SLC25A48: variants seen among roughly 807,000 people sequenced by gnomAD.
The protein encoded by SLC25A48 is solute carrier family 25 member 48.
A neutral mutation model predicts 32.2 loss-of-function variants in SLC25A48; 29 were observed. The ratio of observed to expected loss-of-function variants is 0.90; its 90% confidence interval spans 0.67 to 1.23. SLC25A48 has a LOEUF of 1.23. Ranked by LOEUF, SLC25A48 falls within the 50% of genes most tolerant of loss-of-function variation. The pLI, the probability that SLC25A48 is intolerant of heterozygous loss-of-function variation, is 0.00. For synonymous variants in SLC25A48, 164 were observed against 172.3 expected, an observed-to-expected ratio of 0.95 and a Z score of 0.38; for missense variants, 399 against 422.7, an observed-to-expected ratio of 0.94 and a Z score of 0.49.
Position 135,852,727 on chromosome 5 carries a change from C to T in SLC25A48, c.327C>T (p.Ala109=), listed in dbSNP as rs770697109. 6.2e-7 allele frequency: 1 copy of T among 1,614,122 alleles called. No individual in the cohort carries two copies. Among genetic ancestry groups the T allele is most frequent in the South Asian group, 1.1e-5 (1 of 91,074 alleles). ...PPRTLSDLLL[A]SMVAGVVSVG... is the part of the protein sequence containing the mutation. ...GCACGCTGTCAGACCTGCTCCTGGC[C>T]AGCATGGTGGCCGGCGTGGTCTCTG... The change falls in exon 4 of 8, where the codon GCC becomes GCT. Residue 109 remains alanine (A), a synonymous_variant. Transcript: ENST00000681962.
chr5:135,863,611 A>G (rs1024494222), intron 4 of SLC25A48, among the ~76,000 whole-genome samples: 7 of 152,326 alleles, frequency 4.6e-5, no homozygotes, highest in African/African-American at 1.7e-4. Context: ...GTTAATGCCC[A>G]TTCCATTATC....
chr5:135,746,032 C>T (rs1755630255), intron 3 of SLC25A48, among the ~76,000 whole-genome samples: 2 of 152,138 alleles, frequency 1.3e-5, no homozygotes, highest in African/African-American at 2.4e-5. Flanking sequence ...ATCCTTTGCT[C>T]TCGCCTTCTA....
intron 1 of SLC25A48, among the ~76,000 whole-genome samples, chr5:135,591,087 C>T (rs1341254466): frequency 1.5e-4 from 23 of 152,210 alleles, no homozygotes. Context: ...GCTGCCTTCT[C>T]TCCAAAGCTT....
chr5:135,816,941 A>G (rs1035339842), intron 4 of SLC25A48, among the ~76,000 whole-genome samples: 8 of 152,262 alleles, frequency 5.3e-5, no homozygotes, highest in African/African-American at 1.9e-4. Context: ...AAAGAGAGAC[A>G]TAAAAACCCC....
At chr5:135,801,128 T>C (rs6596264) in intron 3 of SLC25A48, among the ~76,000 whole-genome samples, 115,842 of 150,832 alleles carry the variant, frequency 0.77, 44,841 homozygotes, top group Middle Eastern at 0.86. Context: ...GGAAGGAAGA[T>C]GATGATATTA....
chr5:135,683,041 A>C (rs573461644), intron 3 of SLC25A48, among the ~76,000 whole-genome samples: 28 of 152,354 alleles, frequency 1.8e-4, no homozygotes, highest in African/African-American at 6.0e-4. Flanking sequence ...ATCCCACTGG[A>C]GAAGCCTCTG....
intron 2 of SLC25A48, among the ~76,000 whole-genome samples, chr5:135,633,335 A>G (rs774944360): frequency 2.6e-5 from 4 of 152,004 alleles, no homozygotes; most frequent in Non-Finnish European, 4.4e-5. Flanking sequence ...CTAATCCCAA[A>G]TGTAACTGTA....
At chr5:135,718,164 T>C (rs1754852687) in intron 3 of SLC25A48, among the ~76,000 whole-genome samples, 1 of 152,056 alleles carries the variant, frequency 6.6e-6, no homozygotes, top group South Asian at 2.1e-4. Flanking sequence ...CGTACCACCA[T>C]GCCTGGCTAA....
At chr5:135,775,038 G>T (rs1222486944) in intron 3 of SLC25A48, among the ~76,000 whole-genome samples, 1 of 151,642 alleles carries the variant, frequency 6.6e-6, no homozygotes, top group Admixed American at 6.6e-5. Flanking sequence ...TATCCCAAAG[G>T]ATGTACACAC....
intron 4 of SLC25A48, among the ~76,000 whole-genome samples, chr5:135,866,481 G>A (rs1371231564): frequency 6.6e-6 from 1 of 152,226 alleles, no homozygotes; most frequent in Non-Finnish European, 1.5e-5. Flanking sequence ...AATAGTGGTA[G>A]AGCTGGTGTC....
chr5:135,727,509 AT>A (rs1348167668), intron 3 of SLC25A48, among the ~76,000 whole-genome samples: 6 of 150,272 alleles, frequency 4.0e-5, no homozygotes, highest in South Asian at 2.1e-4. Flanking sequence ...ATTTTCTCCT[AT>A]TTTTTTTTCT....
chr5:135,756,751 TATC>T (rs1317152324), intron 3 of SLC25A48, among the ~76,000 whole-genome samples: 2 of 152,044 alleles, frequency 1.3e-5, no homozygotes, highest in East Asian at 3.9e-4. Context: ...ATTAATAGAA[TATC>T]ATCTAGATGT....
intron 2 of SLC25A48, among the ~76,000 whole-genome samples, chr5:135,849,534 C>T (rs1197328222): frequency 6.6e-6 from 1 of 152,168 alleles, no homozygotes; most frequent in South Asian, 2.1e-4. Flanking sequence ...ATTAGCCATA[C>T]AGTCCTTGTT....
At chr5:135,805,959 A>T (rs1447631795) in intron 3 of SLC25A48, among the ~76,000 whole-genome samples, 1 of 151,328 alleles carries the variant, frequency 6.6e-6, no homozygotes, top group Non-Finnish European at 1.5e-5. Context: ...ACATCCTGTG[A>T]TATTATTTGT....
At chr5:135,591,945 C>T (rs1751537560) in intron 1 of SLC25A48, among the ~76,000 whole-genome samples, 1 of 152,194 alleles carries the variant, frequency 6.6e-6, no homozygotes, top group Non-Finnish European at 1.5e-5. Context: ...TTGGCTGAAC[C>T]TGCCCCCAAC....
chr5:135,728,662 T>C (rs1364560482), intron 3 of SLC25A48, among the ~76,000 whole-genome samples: 1 of 152,206 alleles, frequency 6.6e-6, no homozygotes, highest in Non-Finnish European at 1.5e-5. Flanking sequence ...CAGGAAAAAC[T>C]TATTTGAGTG....
chr5:135,772,380 C>T (rs764796322), intron 3 of SLC25A48, among the ~76,000 whole-genome samples: 51 of 151,564 alleles, frequency 3.4e-4, no homozygotes, highest in Non-Finnish European at 7.4e-5. Context: ...GTGTACACTC[C>T]CCTATGATAT....
intron 3 of SLC25A48, among the ~76,000 whole-genome samples, chr5:135,671,253 C>A (rs1360931697): frequency 6.6e-6 from 1 of 152,198 alleles, no homozygotes; most frequent in African/African-American, 2.4e-5. Context: ...CAAGCCCAGA[C>A]CTGGAGCTGG....
chr5:135,867,199 C>A (rs1464874737), intron 4 of SLC25A48, among the ~76,000 whole-genome samples: 1 of 152,118 alleles, frequency 6.6e-6, no homozygotes, highest in Non-Finnish European at 1.5e-5. Flanking sequence ...AATGCCAATC[C>A]TTTCGCATAT....
Sources: allele counts gnomAD v4.1 joint callset (sites outside exome capture counted in the v4.1 genomes callset), GRCh38; gene constraint gnomAD v4.1.1; transcripts MANE v1.5; gene names NCBI Gene and HGNC (gene_info 2026-07-23, HGNC 2026-07-21).